The following MYO6 variants were observed in gnomAD, a reference collection of about 807,000 sequenced individuals.
The protein encoded by MYO6 is unconventional myosin-VI.
In MYO6, 74 loss-of-function variants were observed where a neutral mutation model predicts 178.7. The observed-to-expected ratio is 0.41, with a 90% CI of 0.34 to 0.50. The LOEUF (loss-of-function observed/expected upper bound fraction) is 0.50. Ranked by LOEUF, MYO6 falls within the 20% of genes least tolerant of loss-of-function variation. The pLI is 0.09. For synonymous variants in MYO6, 477 were observed against 504.6 expected (o/e 0.95, Z 0.73); for missense variants, 1,330 against 1,547.4 (o/e 0.86, Z 2.36).
At chr6:75,866,825 A>G in intron 17 of MYO6, 107 bp from the exon 18 acceptor site, 1 of 1,251,278 alleles carries the variant, frequency 8.0e-7, no homozygotes, top group Non-Finnish European at 1.2e-6. Flanking sequence ...TGGACAGTGC[A>G]GATACAGAAC....
intron 1 of MYO6, among the ~76,000 whole-genome samples, chr6:75,798,535 A>G (rs1271582788): frequency 6.6e-6 from 1 of 152,252 alleles, no homozygotes; most frequent in East Asian, 1.9e-4. Context: ...GATCATCTCA[A>G]TAGAGGCAGA....
intron 20 of MYO6, among the ~76,000 whole-genome samples, chr6:75,878,344 G>C (rs1167165135): frequency 6.6e-6 from 1 of 152,078 alleles, no homozygotes; most frequent in Non-Finnish European, 1.5e-5. Flanking sequence ...CAGTGACCCA[G>C]AGGACATCTG....
chr6:75,914,189 A>C lies in MYO6; in HGVS notation c.3566A>C (p.Lys1189Thr). The C allele has an allele frequency of 6.2e-7, 1 of 1,614,166 alleles. No individual in the cohort carries two copies. Among genetic ancestry groups the C allele is most frequent in the Non-Finnish European group, 8.5e-7 (1 of 1,180,014 alleles). The change falls in exon 34 of 35, where the codon AAA becomes ACA. Residue 1189 changes from lysine (K) to threonine (T), a missense_variant. Lys to Thr is a moderately conservative substitution (Grantham distance 78, BLOSUM62 -1). This residue lies in a region of MYO6 where 601 missense variants were observed against 626.1 expected (regional missense o/e 0.96). Transcript: ENST00000369977. ...CAGTACAAAGACCCTCAGAGTAAGA[A>C]AAAAGGCTGGTGGTATGCCCATTTT... is the stretch of plus-strand genomic sequence containing the variant. ...ADQYKDPQSKKKGWWYAHFDG... is the reference protein window; with the variant it reads ...ADQYKDPQSKTKGWWYAHFDG...
At chr6:75,808,901 T>TAA (rs1252169068) in intron 1 of MYO6, among the ~76,000 whole-genome samples, 1 of 152,164 alleles carries the variant, frequency 6.6e-6, no homozygotes, top group Non-Finnish European at 1.5e-5. Context: ...CATAGGTAGA[T>TAA]AAGAGACAAA....
At position 75,886,922 on chromosome 6, in the gene MYO6, T is replaced by C; in HGVS notation, c.2586T>C (p.Asp862=). 1 of 1,613,838 alleles carries C rather than the reference T, an allele frequency of 6.2e-7. No individual in the cohort carries two copies. The change falls in exon 25 of 35, where the codon GAT becomes GAC. Residue 862 remains aspartate, a synonymous_variant. Transcript: ENST00000369977. ...ATGAGGTAGTCAGTGTGTTGAAAGA[T>C]GGAAAACCCGAGATGAATAAACAGA... is the stretch of plus-strand genomic sequence containing the variant. The part of the protein sequence containing the change: ...KFNEVVSVLK[D]GKPEMNKQIK...
intron 30 of MYO6, among the ~76,000 whole-genome samples, chr6:75,900,614 T>C (rs1002465520): frequency 2.6e-5 from 4 of 152,208 alleles, no homozygotes; most frequent in African/African-American, 9.7e-5. Context: ...TTTGAGTTCA[T>C]TGTAGATTCT....
rs1207612716 is a variant in MYO6 at position 75,918,436 on chromosome 6, G to C, written c.*3424G>C. 1 of 152,166 alleles carries C rather than the reference G, an allele frequency of 6.6e-6. No individual in the cohort carries two copies. Among genetic ancestry groups the C allele is most frequent in the Non-Finnish European group, 1.5e-5 (1 of 68,030 alleles). The allele number at this position is 152,166 out of a possible 1,614,324, so 9.4% of individuals were successfully genotyped here. On this transcript the variant is annotated 3_prime_UTR_variant, in exon 35 of 35. Transcript: ENST00000369977. ...CATTTTAGGACACAGAGCACTCCTA[G>C]ATCTCTACGAAATTTTAGAATGAAT... is the stretch of plus-strand genomic sequence containing the variant.
At chr6:75,845,974 G>A (rs1235054790) in intron 10 of MYO6, among the ~76,000 whole-genome samples, 8 of 147,984 alleles carry the variant, frequency 5.4e-5, no homozygotes, top group Non-Finnish European at 1.2e-4. Context: ...GCGACAGAAC[G>A]AGACTCTGTC....
intron 30 of MYO6, among the ~76,000 whole-genome samples, chr6:75,906,066 T>C (rs1311631897): frequency 2.0e-5 from 3 of 152,202 alleles, no homozygotes; most frequent in African/African-American, 7.2e-5. Context: ...AGGTATTATA[T>C]CTTGATCAAT....
chr6:75,906,465 C>T (rs1301286446), intron 30 of MYO6, among the ~76,000 whole-genome samples: 1 of 152,114 alleles, frequency 6.6e-6, no homozygotes, highest in Non-Finnish European at 1.5e-5. Flanking sequence ...CACTTGAGCT[C>T]AGGAGTTCGA....
intron 1 of MYO6, among the ~76,000 whole-genome samples, chr6:75,790,778 A>G (rs909504999): frequency 6.6e-6 from 1 of 152,220 alleles, no homozygotes; most frequent in Admixed American, 6.5e-5. Flanking sequence ...ACATTTGATC[A>G]CATTAATTTT....
At chr6:75,880,197 T>G in intron 22 of MYO6, 77 bp downstream of exon 22, 1 of 1,062,200 alleles carries the variant, frequency 9.4e-7, no homozygotes, top group Admixed American at 2.2e-5. Flanking sequence ...CTTAAAGTAT[T>G]TAATAATTTG....
intron 1 of MYO6, among the ~76,000 whole-genome samples, chr6:75,786,896 G>C (rs1217209661): frequency 2.0e-5 from 3 of 152,166 alleles, no homozygotes; most frequent in Non-Finnish European, 2.9e-5. Flanking sequence ...ATAGGTAACA[G>C]TTATCACTAC....
intron 13 of MYO6, among the ~76,000 whole-genome samples, chr6:75,858,551 G>A (rs1434321527): frequency 6.6e-6 from 1 of 152,142 alleles, no homozygotes; most frequent in Non-Finnish European, 1.5e-5. Flanking sequence ...GTTGCAGTGA[G>A]CCAAGATTGT....
chr6:75,759,489 A>G (rs77300807), intron 1 of MYO6, among the ~76,000 whole-genome samples: 2,589 of 152,216 alleles, frequency 0.017, 72 homozygotes, highest in African/African-American at 0.059. Context: ...AGGGGCGTGA[A>G]GGGAGGTTCC....
chr6:75,870,678 G>A lies in MYO6; in HGVS notation c.1976G>A (p.Arg659Gln), dbSNP rs201632584. The stretch of plus-strand genomic sequence containing the variant: ...TTAAATTTGCTTCTGGATAAACTTC[G>A]AAGTACTGTGAGTATGCTTAAAAAG... ...TQLNLLLDKL[R>Q]STGASFIRCI... The change falls in exon 19 of 35, where the codon CGA (arginine) becomes CAA (glutamine). Residue 659 changes from arginine (R) to glutamine (Q), a missense_variant. By Grantham distance (43) the Arg-to-Gln change is conservative. Around this residue, in one of 3 missense-constraint regions of MYO6, gnomAD observed 613 missense variants for 816.8 expected, o/e 0.75. Transcript: ENST00000369977. 83 of 1,611,480 alleles carry A rather than the reference G, an allele frequency of 5.2e-5. No homozygotes were observed. The highest frequency in any genetic ancestry group is 6.7e-5 in the Non-Finnish European group (79 of 1,178,714).
intron 1 of MYO6, among the ~76,000 whole-genome samples, chr6:75,763,066 G>A (rs1274221423): frequency 7.0e-6 from 1 of 142,866 alleles, no homozygotes; most frequent in East Asian, 2.1e-4. Context: ...TCACTCTGTT[G>A]CCCAGGCTGG....
rs780932545 is a variant in MYO6, at chr6:75,769,710, G to A, written c.-48+20287G>A. Reference sequence around the variant, plus strand: ...AGGTCAGGAGATCGAGACCATCCTGGCTAACACGGTGAAACCCGTCTCTAC... The same window carrying A: ...AGGTCAGGAGATCGAGACCATCCTGACTAACACGGTGAAACCCGTCTCTAC... On this transcript the variant is annotated intron_variant, in intron 1 of 34. Transcript: ENST00000369977. 4.1e-4 allele frequency among the ~76,000 whole-genome samples: 63 copies of A among 152,158 alleles called. 1 individual carries two copies. Among genetic ancestry groups the A allele is most frequent in the Non-Finnish European group, 4.3e-4 (29 of 68,032 alleles).
chr6:75,755,591 AAGG>A (rs1777279130), intron 1 of MYO6, among the ~76,000 whole-genome samples: 1 of 152,208 alleles, frequency 6.6e-6, no homozygotes, highest in Non-Finnish European at 1.5e-5. Flanking sequence ...TAAAAAAAGG[AAGG>A]AGAAAAATGT....
Sources: gnomAD v4.1 joint callset for allele counts (sites outside exome capture counted in the v4.1 genomes callset) on GRCh38, gnomAD v4.1.1 for gene constraint, gnomAD v4.1.1 regional missense constraint, MANE v1.5 for transcripts, NCBI Gene and HGNC (gene_info 2026-07-23, HGNC 2026-07-21) for gene names.